The following CNTNAP2 variants were observed in gnomAD, a reference collection of about 807,000 sequenced individuals.
CNTNAP2 encodes contactin associated protein 2, also known as contactin-associated protein-like 2.
In CNTNAP2, 98 loss-of-function variants were observed where a neutral mutation model predicts 155.2. That is an observed-to-expected ratio of 0.63 (90% confidence interval 0.54 to 0.75). The LOEUF (loss-of-function observed/expected upper bound fraction) is 0.75. Among genes scored for constraint, CNTNAP2 ranks in the 30% least tolerant of loss-of-function variants. The probability of loss-of-function intolerance (pLI) is 0.00; values close to 1 mark genes in which losing one functional copy is unlikely to be tolerated. For synonymous variants in CNTNAP2, 651 were observed against 631.2 expected, an observed-to-expected ratio of 1.03 and a Z score of -0.47; for missense variants, 1,727 against 1,688.1, an observed-to-expected ratio of 1.02 and a Z score of -0.40.
chr7:147,333,151 G>A (rs1318818663), intron 9 of CNTNAP2, among the ~76,000 whole-genome samples: 14 of 152,016 alleles, frequency 9.2e-5, no homozygotes, highest in Non-Finnish European at 1.5e-5. Flanking sequence ...AGAAGGAAGT[G>A]GTAGCACAAG....
chr7:147,756,607 T>C (rs1350230756), intron 13 of CNTNAP2, among the ~76,000 whole-genome samples: 1 of 152,272 alleles, frequency 6.6e-6, no homozygotes, highest in East Asian at 1.9e-4. Flanking sequence ...AAAACAGATT[T>C]AAAAAGTAAT....
At chr7:146,281,375 C>T (rs1017558050) in intron 1 of CNTNAP2, among the ~76,000 whole-genome samples, 4 of 152,148 alleles carry the variant, frequency 2.6e-5, no homozygotes, top group Non-Finnish European at 4.4e-5. Flanking sequence ...AAAGAGGGTA[C>T]TTTCCTGGCA....
At chr7:147,365,383 G>GAAAAAAAAA (rs10557373) in intron 9 of CNTNAP2, among the ~76,000 whole-genome samples, 413 of 93,522 alleles carry the variant, frequency 4.4e-3, no homozygotes, top group Non-Finnish European at 5.0e-3. Flanking sequence ...ATCTCAAAAA[G>GAAAAAAAAA]AAAAAAAAAA....
intron 8 of CNTNAP2, among the ~76,000 whole-genome samples, chr7:147,272,585 G>A (rs189645387): frequency 1.3e-5 from 2 of 151,798 alleles, no homozygotes; most frequent in Admixed American, 6.6e-5. Context: ...TGCAAGCTCC[G>A]CCTCCCGGGT....
At chr7:147,414,803 A>T (rs938514881) in intron 10 of CNTNAP2, among the ~76,000 whole-genome samples, 3 of 151,586 alleles carry the variant, frequency 2.0e-5, no homozygotes, top group Admixed American at 6.6e-5. Context: ...TAGCTGGGCG[A>T]GGTGGTGGGC....
At chr7:146,254,927 A>C (rs13234447) in intron 1 of CNTNAP2, among the ~76,000 whole-genome samples, 1 of 152,092 alleles carries the variant, frequency 6.6e-6, no homozygotes, top group African/African-American at 2.4e-5. Context: ...CTTAAATTGG[A>C]AACAAATTGG....
chr7:147,358,635 C>T (rs1450411884), intron 9 of CNTNAP2, among the ~76,000 whole-genome samples: 1 of 151,784 alleles, frequency 6.6e-6, no homozygotes. Context: ...CAGACTTCAA[C>T]CTTAATACAC....
At chr7:148,117,667 C>T in intron 15 of CNTNAP2, among the ~76,000 whole-genome samples, 1 of 152,090 alleles carries the variant, frequency 6.6e-6, no homozygotes, top group East Asian at 1.9e-4. Context: ...ACAGCCCCCA[C>T]CCACCCACAG....
At chr7:146,978,663 A>G (rs1252562005) in intron 3 of CNTNAP2, among the ~76,000 whole-genome samples, 1 of 151,796 alleles carries the variant, frequency 6.6e-6, no homozygotes, top group Non-Finnish European at 1.5e-5. Context: ...CAGAATTAAT[A>G]GGCATTAATA....
chr7:147,321,485 T>G (rs777779533), intron 9 of CNTNAP2, among the ~76,000 whole-genome samples: 28 of 152,194 alleles, frequency 1.8e-4, no homozygotes, highest in Non-Finnish European at 3.1e-4. Flanking sequence ...TTAGGGATTT[T>G]CCATCATTTT....
chr7:146,509,129 G>A (rs148192673), intron 1 of CNTNAP2, among the ~76,000 whole-genome samples: 426 of 152,266 alleles, frequency 2.8e-3, no homozygotes, highest in African/African-American at 9.6e-3. Flanking sequence ...TCGGGTATTC[G>A]GATCAAACAT....
intron 8 of CNTNAP2, among the ~76,000 whole-genome samples, chr7:147,271,260 T>G (rs1484576901): frequency 6.6e-6 from 1 of 152,194 alleles, no homozygotes; most frequent in Non-Finnish European, 1.5e-5. Flanking sequence ...GTGTAGTTTT[T>G]TCCTCTCTCC....
At chr7:146,894,426 GT>G (rs753700387) in intron 3 of CNTNAP2, among the ~76,000 whole-genome samples, 52 of 152,058 alleles carry the variant, frequency 3.4e-4, no homozygotes, top group Non-Finnish European at 6.6e-4. Context: ...AAAACTCTGT[GT>G]GTTTTTTGTT....
intron 12 of CNTNAP2, among the ~76,000 whole-genome samples, chr7:147,611,946 T>C (rs1801195457): frequency 6.6e-6 from 1 of 152,226 alleles, no homozygotes; most frequent in African/African-American, 2.4e-5. Flanking sequence ...CAGCCAATTT[T>C]TAATAAGTTA....
chr7:147,253,138 T>C (rs1804237938), intron 8 of CNTNAP2, among the ~76,000 whole-genome samples: 1 of 152,204 alleles, frequency 6.6e-6, no homozygotes, highest in Non-Finnish European at 1.5e-5. Flanking sequence ...ATTATTTTCT[T>C]ACATAGTATT....
intron 11 of CNTNAP2, among the ~76,000 whole-genome samples, chr7:147,505,370 C>T (rs78493474): frequency 0.011 from 1,598 of 152,038 alleles, 37 homozygotes; most frequent in African/African-American, 0.036. Context: ...TGTTGCCATG[C>T]GCACACACAT....
At chr7:147,235,429 A>G (rs913926015) in intron 8 of CNTNAP2, among the ~76,000 whole-genome samples, 6 of 149,692 alleles carry the variant, frequency 4.0e-5, no homozygotes, top group African/African-American at 1.5e-4. Context: ...TATTTCTCTG[A>G]AGAACCCTGA....
At chr7:148,174,830 G>A (rs1187136430) in intron 18 of CNTNAP2, among the ~76,000 whole-genome samples, 1 of 152,080 alleles carries the variant, frequency 6.6e-6, no homozygotes, top group Non-Finnish European at 1.5e-5. Context: ...CATGGGGTTT[G>A]CCGCACCTAT....
chr7:146,857,091 G>A (rs1795004852), intron 3 of CNTNAP2, among the ~76,000 whole-genome samples: 1 of 152,102 alleles, frequency 6.6e-6, no homozygotes, highest in African/African-American at 2.4e-5. Context: ...ACCTACATAT[G>A]TCCTTATTTG....
Sources: allele counts gnomAD v4.1 joint callset (sites outside exome capture counted in the v4.1 genomes callset), GRCh38; gene constraint gnomAD v4.1.1; transcripts MANE v1.5; gene names NCBI Gene and HGNC (gene_info 2026-07-23, HGNC 2026-07-21).